Variants in ACACB observed in about 807,000 individuals in gnomAD.
ACACB encodes the protein acetyl-CoA carboxylase 2.
A neutral mutation model predicts 278.8 loss-of-function variants in ACACB; 209 were observed. The observed-to-expected ratio is 0.75, with a 90% CI of 0.67 to 0.84. The LOEUF (loss-of-function observed/expected upper bound fraction) is 0.84, where lower values mean the gene tolerates loss of function less well. Ranked by LOEUF, ACACB falls within the 40% of genes least tolerant of loss-of-function variation. The pLI is 0.00. For missense variants in ACACB, 2,850 were observed against 3,269.0 expected, an observed-to-expected ratio of 0.87 and a Z score of 3.13; for synonymous variants, 1,174 against 1,285.6, an observed-to-expected ratio of 0.91 and a Z score of 1.86.
chr12:109,254,249 T>A lies in ACACB; in HGVS notation c.6081T>A (p.Thr2027=). 5 of 1,613,714 alleles carry A rather than the reference T, an allele frequency of 3.1e-6. No individual in the cohort carries two copies. Among genetic ancestry groups the A allele is most frequent in the Non-Finnish European group, 4.2e-6 (5 of 1,179,722 alleles). Residue 2027 remains threonine, a synonymous_variant, in exon 44 of 53, where the codon ACT becomes ACA. Transcript: ENST00000338432. ...NHSPVPIITP[T]DPIDREIEFL... is the part of the protein sequence containing the mutation. ...GCCCTGTCCCTATCATCACACCCAC[T>A]GACCCCATTGACAGAGAAATTGAAT... is the stretch of plus-strand genomic sequence containing the variant.
At chr12:109,127,976 A>T (rs896453024) in intron 1 of ACACB, among the ~76,000 whole-genome samples, 2 of 152,162 alleles carry the variant, frequency 1.3e-5, no homozygotes, top group Admixed American at 1.3e-4. Flanking sequence ...AGAGTCCCCA[A>T]GAGTAAATTC....
chr12:109,183,199 C>G (rs1185543140), intron 11 of ACACB, among the ~76,000 whole-genome samples: 1 of 152,098 alleles, frequency 6.6e-6, no homozygotes, highest in Non-Finnish European at 1.5e-5. Context: ...TAATATAACT[C>G]ATAGTCAGGT....
chr12:109,265,614 T>C (rs1246971620), intron 52 of ACACB, 89 bp downstream of exon 52: 4 of 1,489,382 alleles, frequency 2.7e-6, no homozygotes, highest in Non-Finnish European at 3.6e-6. Flanking sequence ...ATGCAGCCAC[T>C]TGAACCCGCC....
At chr12:109,175,541 G>T (rs139811082) in intron 7 of ACACB, among the ~76,000 whole-genome samples, 1 of 151,952 alleles carries the variant, frequency 6.6e-6, no homozygotes, top group Non-Finnish European at 1.5e-5. Context: ...TCAGCCTCCC[G>T]AGTAGCTGGG....
chr12:109,250,201 T>G (rs2047057033), intron 41 of ACACB, 97 bp downstream of exon 41: 2 of 1,318,618 alleles, frequency 1.5e-6, no homozygotes, highest in Non-Finnish European at 2.0e-6. Flanking sequence ...AAGCCCCATG[T>G]GCCCGTCACA....
In ACACB at chr12:109,209,364, C is replaced by T. The variant is rs778448482; in HGVS notation, c.3249+11C>T. Reference sequence around the variant, plus strand: ...TTCCCCAGCCAGCAGGTGCGTGCTCCCCTGCCCAGCCCCACCCCACCAGGA... The same window carrying T: ...TTCCCCAGCCAGCAGGTGCGTGCTCTCCTGCCCAGCCCCACCCCACCAGGA... On this transcript the variant is annotated intron_variant, in intron 21 of 52. Coordinates refer to ENST00000338432, the MANE Select transcript of ACACB (RefSeq NM_001093.4). 1.9e-6 allele frequency: 3 copies of T among 1,599,478 alleles called. No homozygotes were observed. The Admixed American group carries it at 5.1e-5, about 27-fold the overall frequency.
At position 109,209,325 on chromosome 12, in the gene ACACB, C is replaced by T. The variant is rs376684937; in HGVS notation, c.3221C>T (p.Ser1074Leu). 5.0e-6 allele frequency: 8 copies of T among 1,611,858 alleles called. No homozygotes were observed. The South Asian group carries it at 5.5e-5, about 11-fold the overall frequency. ...GCCCAGTATGCCAGCAACATCACCTCGGTGCTGTGCCAGTTCCCCAGCCAG... is the reference window on the plus strand; with the variant it reads ...GCCCAGTATGCCAGCAACATCACCTTGGTGCTGTGCCAGTTCCCCAGCCAG... ...VMAQYASNITSVLCQFPSQQI... is the reference protein window; with the variant it reads ...VMAQYASNITLVLCQFPSQQI... The change falls in exon 21 of 53, where the codon TCG (serine) becomes TTG (leucine). Residue 1074 changes from serine (S) to leucine (L), a missense_variant. Physicochemically the swap from Ser to Leu is moderately radical, Grantham distance 145. Transcript: ENST00000338432.
intron 26 of ACACB, 82 bp downstream of exon 26, chr12:109,222,994 T>G (rs1282777581): frequency 1.8e-6 from 2 of 1,112,426 alleles, no homozygotes; most frequent in East Asian, 2.6e-5. Flanking sequence ...CGGCTCCTCC[T>G]GCCCTCCAGG....
In ACACB at chr12:109,183,496, A is replaced by G. The variant is rs913850512; in HGVS notation, c.1819-2083A>G. Among the ~76,000 whole-genome samples, 3 of 151,550 alleles carry G rather than the reference A, an allele frequency of 2.0e-5. No homozygotes were observed. The South Asian group carries it at 6.3e-4, about 32-fold the overall frequency. The stretch of plus-strand genomic sequence containing the variant: ...ATGCTTTTTATTATAGAGACCTTTC[A>G]CTTCTTTGGTTAAGTTTATTCCAGG... On this transcript the variant is annotated intron_variant, in intron 11 of 52. Coordinates refer to ENST00000338432, the MANE Select transcript of ACACB (RefSeq NM_001093.4).
intron 39 of ACACB, 42 bp from the exon 40 acceptor site, chr12:109,247,564 G>T (rs1284874894): frequency 2.8e-6 from 4 of 1,447,514 alleles, no homozygotes; most frequent in Admixed American, 1.7e-5. Flanking sequence ...GGCTTTCAGT[G>T]CAGGGAACTG....
chr12:109,229,593 G>A (rs540320300), intron 28 of ACACB, among the ~76,000 whole-genome samples: 3 of 151,920 alleles, frequency 2.0e-5, no homozygotes, highest in Non-Finnish European at 4.4e-5. Context: ...GCAACGGCGC[G>A]ATCTCAGCTC....
intron 44 of ACACB, among the ~76,000 whole-genome samples, chr12:109,254,781 C>CTT (rs111235224): frequency 1.4e-5 from 2 of 145,360 alleles, no homozygotes. Context: ...GTCTCCTCTT[C>CTT]TTTTTTTTTT....
At chr12:109,225,250 C>A (rs1257706746) in intron 27 of ACACB, among the ~76,000 whole-genome samples, 1 of 152,270 alleles carries the variant, frequency 6.6e-6, no homozygotes, top group Admixed American at 6.5e-5. Flanking sequence ...GCCTCACCCT[C>A]CCCAGTAGCT....
intron 1 of ACACB, among the ~76,000 whole-genome samples, chr12:109,135,674 A>C (rs1297474136): frequency 6.6e-6 from 1 of 151,856 alleles, no homozygotes; most frequent in African/African-American, 2.4e-5. Flanking sequence ...TTGTGGTTTT[A>C]GCTTTTATAT....
intron 4 of ACACB, among the ~76,000 whole-genome samples, chr12:109,169,178 A>G (rs901398678): frequency 1.3e-5 from 2 of 150,960 alleles, no homozygotes; most frequent in Admixed American, 6.6e-5. Flanking sequence ...AAAAACCAAC[A>G]TAAGTCAGGT....
At chr12:109,138,389 G>A (rs112289212) in intron 1 of ACACB, among the ~76,000 whole-genome samples, 20 of 152,164 alleles carry the variant, frequency 1.3e-4, no homozygotes, top group Middle Eastern at 3.4e-3. Flanking sequence ...ACAGTCTCCC[G>A]AGGCTTGTTG....
intron 11 of ACACB, among the ~76,000 whole-genome samples, chr12:109,180,309 C>T (rs2044423583): frequency 6.6e-6 from 1 of 152,194 alleles, no homozygotes; most frequent in Non-Finnish European, 1.5e-5. Context: ...GTTTCTTAAC[C>T]TTGTTATCAT....
intron 39 of ACACB, among the ~76,000 whole-genome samples, chr12:109,247,241 T>C (rs1346434664): frequency 6.6e-6 from 1 of 151,928 alleles, no homozygotes; most frequent in African/African-American, 2.4e-5. Flanking sequence ...TATTGCCCAC[T>C]ACCCCCAAGA....
chr12:109,122,469 G>A (rs1413572860), intron 1 of ACACB, among the ~76,000 whole-genome samples: 1 of 151,584 alleles, frequency 6.6e-6, no homozygotes, highest in Non-Finnish European at 1.5e-5. Context: ...AGTGCTTTGG[G>A]AGGCCGAGGA....
Sources: gnomAD v4.1 joint callset for allele counts (sites outside exome capture counted in the v4.1 genomes callset) on GRCh38, gnomAD v4.1.1 for gene constraint, MANE v1.5 for transcripts, NCBI Gene and HGNC (gene_info 2026-07-23, HGNC 2026-07-21) for gene names.